Variants in CNOT6L observed in about 807,000 individuals in gnomAD.
The protein encoded by CNOT6L is CCR4-NOT transcription complex subunit 6-like.
A neutral mutation model predicts 64.0 loss-of-function variants in CNOT6L; 7 were observed. The ratio of observed to expected loss-of-function variants is 0.11; its 90% CI spans 0.06 to 0.21. The LOEUF is 0.21. Ranked by LOEUF, CNOT6L falls within the 10% of genes least tolerant of loss-of-function variation. CNOT6L has a pLI of 1.00. For synonymous variants in CNOT6L, 193 were observed against 243.4 expected, an observed-to-expected ratio of 0.79 and a Z score of 1.93; for missense variants, 245 against 669.0, an observed-to-expected ratio of 0.37 and a Z score of 6.99.
intron 11 of CNOT6L, among the ~76,000 whole-genome samples, chr4:77,725,694 AACTT>A (rs1192437820): frequency 2.6e-5 from 4 of 152,330 alleles, no homozygotes; most frequent in East Asian, 1.9e-4. Context: ...TAACCTGAAA[AACTT>A]AAAGATACTA....
intron 8 of CNOT6L, 117 bp downstream of exon 8, chr4:77,742,023 CA>C: frequency 1.2e-6 from 1 of 866,214 alleles, no homozygotes; most frequent in South Asian, 1.9e-5. Context: ...TTTTAAGTTG[CA>C]TAATACTTGT....
chr4:77,760,707 A>G (rs1443975589), intron 4 of CNOT6L, among the ~76,000 whole-genome samples: 1 of 151,476 alleles, frequency 6.6e-6, no homozygotes, highest in Non-Finnish European at 1.5e-5. Context: ...AGCCAAAAAG[A>G]CAGTAAAAGG....
At chr4:77,773,044 G>C (rs1299227474) in intron 4 of CNOT6L, 37 bp downstream of exon 4, 5 of 1,377,758 alleles carry the variant, frequency 3.6e-6, no homozygotes, top group Middle Eastern at 2.0e-4. Context: ...TCTTTAAAAG[G>C]CTCAGAATAC....
At position 77,797,585 on chromosome 4, in the gene CNOT6L, G is replaced by C. The variant is rs143426834; in HGVS notation, c.6-21193C>G. Among the ~76,000 whole-genome samples the C allele has an allele frequency of 5.6e-3, 848 of 152,290 alleles. 4 individuals carry two copies. Among genetic ancestry groups the C allele is most frequent in the Non-Finnish European group, 8.2e-3 (561 of 68,024 alleles). ...ATAATGGCCCCAAAGCACAAGAGTA[G>C]TGATGCTGGAAATTCAGGTATGCCA... On this transcript the variant is annotated intron_variant, in intron 1 of 11. Transcript: ENST00000504123.
chr4:77,810,786 T>TA (rs1355056267), intron 1 of CNOT6L, among the ~76,000 whole-genome samples: 2 of 152,194 alleles, frequency 1.3e-5, no homozygotes, highest in African/African-American at 4.8e-5. Context: ...TCTCTCTCCC[T>TA]AGCCCTCTTC....
intron 8 of CNOT6L, among the ~76,000 whole-genome samples, chr4:77,733,622 A>G (rs962645656): frequency 3.9e-5 from 6 of 152,046 alleles, no homozygotes; most frequent in African/African-American, 1.4e-4. Flanking sequence ...TAATATTTTT[A>G]TAACTGGAAT....
chr4:77,805,223 G>A (rs565618726), intron 1 of CNOT6L, among the ~76,000 whole-genome samples: 7 of 152,066 alleles, frequency 4.6e-5, no homozygotes, highest in East Asian at 1.9e-4. Flanking sequence ...AAAATTATGC[G>A]TTTTATTACC....
In CNOT6L at chr4:77,804,336, G is replaced by A. The variant is rs928405392; in HGVS notation, c.5+14968C>T. ...CCCAGCTACTCAGGAGGCTTAGGCA[G>A]GAGAACTGCTTGAACCTGGGAGGCG... On this transcript the variant is annotated intron_variant, in intron 1 of 11. Coordinates refer to ENST00000504123, the MANE Select transcript of CNOT6L (RefSeq NM_144571.3). 2.6e-5 allele frequency among the ~76,000 whole-genome samples: 4 copies of A among 151,900 alleles called. 1 individual carries two copies. Among genetic ancestry groups the A allele is most frequent in the Admixed American group, 6.6e-5 (1 of 15,256 alleles).
At chr4:77,754,887 G>GAAAAAAAAA (rs1725286474) in intron 5 of CNOT6L, among the ~76,000 whole-genome samples, 1 of 12,304 alleles carries the variant, frequency 8.1e-5, no homozygotes, top group African/African-American at 2.7e-4. Flanking sequence ...AACATTAGAA[G>GAAAAAAAAA]TAAAAAAAAA....
intron 9 of CNOT6L, among the ~76,000 whole-genome samples, chr4:77,730,405 C>A (rs555820902): frequency 2.6e-5 from 4 of 152,052 alleles, no homozygotes; most frequent in African/African-American, 9.6e-5. Context: ...TACTAAATTC[C>A]CCTTCTATGA....
At chr4:77,734,645 G>A (rs560087079) in intron 8 of CNOT6L, among the ~76,000 whole-genome samples, 2 of 152,134 alleles carry the variant, frequency 1.3e-5, no homozygotes, top group Admixed American at 6.5e-5. Context: ...CCTCAGTTAA[G>A]TATCACTTCA....
chr4:77,758,100 T>C (rs1015248383), intron 4 of CNOT6L, among the ~76,000 whole-genome samples: 2 of 152,182 alleles, frequency 1.3e-5, no homozygotes, highest in Non-Finnish European at 2.9e-5. Context: ...TATGAATACT[T>C]TGGAAGTCTG....
chr4:77,781,567 ATTG>A (rs1728859227), intron 1 of CNOT6L, among the ~76,000 whole-genome samples: 1 of 152,184 alleles, frequency 6.6e-6, no homozygotes, highest in African/African-American at 2.4e-5. Flanking sequence ...CAAATATACT[ATTG>A]TTAACCCCAA....
At chr4:77,741,340 A>G (rs1415916215) in intron 8 of CNOT6L, among the ~76,000 whole-genome samples, 3 of 152,198 alleles carry the variant, frequency 2.0e-5, no homozygotes, top group South Asian at 4.1e-4. Context: ...TGGCTTTGGT[A>G]AAATAGATGT....
chr4:77,734,622 G>A (rs1225059313), intron 8 of CNOT6L, among the ~76,000 whole-genome samples: 1 of 152,046 alleles, frequency 6.6e-6, no homozygotes, highest in Non-Finnish European at 1.5e-5. Flanking sequence ...TAATCTAAGA[G>A]CGGCAATCTT....
At chr4:77,750,539 G>A (rs565660152) in intron 5 of CNOT6L, among the ~76,000 whole-genome samples, 12 of 152,140 alleles carry the variant, frequency 7.9e-5, no homozygotes, top group African/African-American at 2.9e-4. Context: ...ATTTTCAGTA[G>A]AGACGTGGTT....
At chr4:77,726,091 T>C (rs1349816962) in intron 11 of CNOT6L, 76 bp downstream of exon 11, 1 of 1,287,362 alleles carries the variant, frequency 7.8e-7, no homozygotes, top group Non-Finnish European at 1.1e-6. Context: ...CAATTAATCA[T>C]AAAGAATTTA....
chr4:77,784,822 T>G (rs193091943), intron 1 of CNOT6L, among the ~76,000 whole-genome samples: 3 of 152,268 alleles, frequency 2.0e-5, no homozygotes, highest in Admixed American at 2.0e-4. Context: ...GTTTTCTTTC[T>G]CCTCTGATAC....
At chr4:77,754,051 T>C (rs1420840506) in intron 5 of CNOT6L, among the ~76,000 whole-genome samples, 1 of 152,138 alleles carries the variant, frequency 6.6e-6, no homozygotes, top group Non-Finnish European at 1.5e-5. Context: ...TCACCACTTT[T>C]AGCTAGTTAG....
Sources: allele counts gnomAD v4.1 joint callset (sites outside exome capture counted in the v4.1 genomes callset), GRCh38; gene constraint gnomAD v4.1.1; transcripts MANE v1.5; gene names NCBI Gene and HGNC (gene_info 2026-07-23, HGNC 2026-07-21).